Variants in GLIS1 observed in about 807,000 individuals in gnomAD.
The protein encoded by GLIS1 is GLIS family zinc finger 1.
GLIS1 carries 24 observed loss-of-function variants against 63.8 expected under a neutral mutation model. The ratio of observed to expected loss-of-function variants is 0.38; its 90% CI spans 0.27 to 0.53. The LOEUF (loss-of-function observed/expected upper bound fraction) is 0.53. Ranked by LOEUF, GLIS1 falls within the 20% of genes least tolerant of loss-of-function variation. The probability of loss-of-function intolerance (pLI) is 0.85; values close to 1 mark genes in which losing one functional copy is unlikely to be tolerated. For missense variants in GLIS1, 1,036 were observed against 1,074.1 expected (o/e 0.96, Z 0.50); for synonymous variants, 450 against 482.5 (o/e 0.93, Z 0.88).
chr1:53,635,042 A>G (rs907853934), intron 2 of GLIS1, among the ~76,000 whole-genome samples: 5 of 152,108 alleles, frequency 3.3e-5, no homozygotes, highest in African/African-American at 1.2e-4. Context: ...TAGAGTCAAC[A>G]GAGGTTGTCT....
chr1:53,733,168 A>C (rs961360427), intron 2 of GLIS1, among the ~76,000 whole-genome samples: 5 of 152,200 alleles, frequency 3.3e-5, no homozygotes. Flanking sequence ...TAAGTGATTC[A>C]TTGTGCACTT....
chr1:53,689,978 C>T (rs1646384421), intron 2 of GLIS1, among the ~76,000 whole-genome samples: 2 of 152,230 alleles, frequency 1.3e-5, no homozygotes, highest in South Asian at 4.1e-4. Context: ...CAGGCCAACA[C>T]AAGCCTATCT....
intron 2 of GLIS1, among the ~76,000 whole-genome samples, chr1:53,737,283 A>C (rs969665005): frequency 6.6e-6 from 1 of 152,196 alleles, no homozygotes; most frequent in Non-Finnish European, 1.5e-5. Flanking sequence ...TTAGGACGTG[A>C]CTAGGCTGGA....
chr1:53,522,874 A>G (rs1033665042), intron 6 of GLIS1, among the ~76,000 whole-genome samples: 3 of 152,120 alleles, frequency 2.0e-5, no homozygotes, highest in African/African-American at 7.2e-5. Flanking sequence ...TGATCGTGCC[A>G]CTGTATTCCA....
intron 7 of GLIS1, among the ~76,000 whole-genome samples, chr1:53,516,619 C>T (rs1295073171): frequency 6.6e-6 from 1 of 151,984 alleles, no homozygotes; most frequent in Non-Finnish European, 1.5e-5. Flanking sequence ...TCGAGACCAG[C>T]CTGGCCAACA....
rs188095129 is a variant in GLIS1, at chr1:53,732,954, G to A, written c.259+4852C>T. Among the ~76,000 whole-genome samples, 17 of 152,268 alleles carry A rather than the reference G, an allele frequency of 1.1e-4. No homozygotes were observed. In the East Asian group the frequency reaches 3.1e-3, roughly 28 times the overall value. On this transcript the variant is annotated intron_variant, in intron 2 of 10. Transcript: ENST00000628545. ...AGAAGGAAGGGAAATTATCCTCAGC[G>A]ATAGTCACTGGTCGACTTCCCAATA... is the stretch of plus-strand genomic sequence containing the variant.
chr1:53,646,911 GGGAA>G lies in GLIS1; in HGVS notation c.260-46637_260-46634del, dbSNP rs199632740. The stretch of plus-strand genomic sequence containing the variant: ...GAAGGGAAGGAAGGAAAGGAAGGAA[GGGAA>G]GGAAGGAAGGAAGGAAAGAAGGAAG... On this transcript the variant is annotated intron_variant, in intron 2 of 10. Transcript: ENST00000628545. The surrounding 1 kb of genome is among the most constrained non-coding windows in gnomAD (Gnocchi z 4.2). Among the ~76,000 whole-genome samples the G allele has an allele frequency of 6.1e-3, 873 of 142,634 alleles. 6 individuals carry two copies. The highest frequency in any genetic ancestry group is 0.021 in the African/African-American group (804 of 38,136). The allele number at this position is 142,634 out of a possible 152,430, so 93.6% of individuals were successfully genotyped here.
chr1:53,672,762 C>T (rs1646166213), intron 2 of GLIS1, among the ~76,000 whole-genome samples: 1 of 152,244 alleles, frequency 6.6e-6, no homozygotes. Flanking sequence ...CTCTATCTCC[C>T]CTTCCCGACA....
At chr1:53,714,416 T>C (rs1488077199) in intron 2 of GLIS1, among the ~76,000 whole-genome samples, 1 of 152,148 alleles carries the variant, frequency 6.6e-6, no homozygotes, top group Non-Finnish European at 1.5e-5. Flanking sequence ...TAAAAGTACT[T>C]TTTTACCCAG....
chr1:53,625,959 G>A (rs532703606), intron 2 of GLIS1, among the ~76,000 whole-genome samples: 1 of 152,352 alleles, frequency 6.6e-6, no homozygotes, highest in Admixed American at 6.5e-5. Flanking sequence ...CTCCACAGAG[G>A]TCTGGGTTGG....
At position 53,574,971 on chromosome 1, in the gene GLIS1, A is replaced by C. The variant is rs967625755; in HGVS notation, c.1320+19137T>G. On this transcript the variant is annotated intron_variant, in intron 4 of 10. Transcript: ENST00000628545. The surrounding 1 kb of genome is among the most constrained non-coding windows in gnomAD (Gnocchi z 4.2). ...AGCCCCGGTCTGAACCTCACATCTC[A>C]TCTGGGCCCTCACTGGACACCTTGG... Among the ~76,000 whole-genome samples, 6 of 152,198 alleles carry C rather than the reference A, an allele frequency of 3.9e-5. No homozygotes were observed. Among genetic ancestry groups the C allele is most frequent in the African/African-American group, 1.4e-4 (6 of 41,516 alleles).
At chr1:53,691,888 C>G (rs1646409842) in intron 2 of GLIS1, among the ~76,000 whole-genome samples, 1 of 152,174 alleles carries the variant, frequency 6.6e-6, no homozygotes, top group Non-Finnish European at 1.5e-5. Flanking sequence ...GTGACTGTGT[C>G]TCTGAAAGCA....
chr1:53,569,954 A>G (rs1644969191), intron 4 of GLIS1, among the ~76,000 whole-genome samples: 1 of 152,124 alleles, frequency 6.6e-6, no homozygotes, highest in Admixed American at 6.5e-5. Flanking sequence ...GTTTATGAAC[A>G]ATAAGAATTA....
At chr1:53,605,533 A>T (rs914891815) in intron 2 of GLIS1, among the ~76,000 whole-genome samples, 15 of 151,994 alleles carry the variant, frequency 9.9e-5, no homozygotes, top group Non-Finnish European at 1.6e-4. Flanking sequence ...AATCCTTCCC[A>T]TGGTTTTTCT....
chr1:53,688,498 C>G (rs560819220), intron 2 of GLIS1, among the ~76,000 whole-genome samples: 3 of 152,172 alleles, frequency 2.0e-5, no homozygotes, highest in Non-Finnish European at 4.4e-5. Flanking sequence ...CCTTAGTGCC[C>G]GGGCCAAATG....
At chr1:53,735,227 A>G (rs1646901544) in intron 2 of GLIS1, among the ~76,000 whole-genome samples, 1 of 152,204 alleles carries the variant, frequency 6.6e-6, no homozygotes, top group Admixed American at 6.5e-5. Flanking sequence ...CACCACAGTT[A>G]GCACCCTTCA....
At chr1:53,630,837 T>C (rs925233538) in intron 2 of GLIS1, among the ~76,000 whole-genome samples, 1 of 152,210 alleles carries the variant, frequency 6.6e-6, no homozygotes, top group African/African-American at 2.4e-5. Context: ...CAAAGAGCAA[T>C]AGGATTTCCT....
intron 2 of GLIS1, among the ~76,000 whole-genome samples, chr1:53,624,152 C>G (rs61775441): frequency 2.3e-3 from 357 of 152,286 alleles, no homozygotes; most frequent in Middle Eastern, 6.8e-3. Context: ...AGACTTTCTA[C>G]AAATCTACAG....
At chr1:53,514,925 GC>G in intron 7 of GLIS1, 144 bp from the exon 8 acceptor site, 2 of 1,021,490 alleles carry the variant, frequency 2.0e-6, no homozygotes, top group Non-Finnish European at 2.8e-6. Flanking sequence ...AAGTTTAGGG[GC>G]CCCAGTGAGG....
Sources: gnomAD v4.1 joint callset for allele counts (sites outside exome capture counted in the v4.1 genomes callset) on GRCh38, gnomAD v4.1.1 for gene constraint, Gnocchi (gnomAD v3.1) non-coding constraint, MANE v1.5 for transcripts, NCBI Gene and HGNC (gene_info 2026-07-23, HGNC 2026-07-21) for gene names.